Variants in ETNPPL observed in about 807,000 individuals in gnomAD.
ETNPPL encodes ethanolamine-phosphate phospho-lyase.
ETNPPL carries 30 observed loss-of-function variants against 55.5 expected under a neutral mutation model. The ratio of observed to expected loss-of-function variants is 0.54; its 90% confidence interval spans 0.40 to 0.73. The LOEUF is 0.73. ETNPPL is among the 30% of genes least tolerant of loss of function. The pLI, the probability that ETNPPL is intolerant of heterozygous loss-of-function variation, is 0.00. For missense variants in ETNPPL, 528 were observed against 607.9 expected (o/e 0.87, Z 1.38); for synonymous variants, 202 against 207.2 (o/e 0.98, Z 0.21).
At chr4:108,756,616 T>C (rs1729214382) in intron 3 of ETNPPL, 124 bp from the exon 4 acceptor site, 1 of 692,702 alleles carries the variant, frequency 1.4e-6, no homozygotes, top group African/African-American at 1.8e-5. Context: ...GAGGGCCGAT[T>C]GCCTGAGCTC....
intron 3 of ETNPPL, 79 bp from the exon 4 acceptor site, chr4:108,756,571 T>A: frequency 9.3e-7 from 1 of 1,079,824 alleles, no homozygotes; most frequent in East Asian, 2.4e-5. Context: ...GCACGGTAGC[T>A]CACGCCTGTA....
In ETNPPL at chr4:108,762,631, G is replaced by A. The variant is rs1383496727; in HGVS notation, c.56+212C>T. On this transcript the variant is annotated intron_variant, in intron 1 of 12. Transcript: ENST00000296486. ...AGAGCGAGCCGGGGACTTTCGAGCG[G>A]GCAGGAAGCCCAGCGTTCCGGGTTC... 4 of 667,634 alleles carry A rather than the reference G, an allele frequency of 6.0e-6. No homozygotes were observed. The Middle Eastern group carries it at 8.2e-4, about 136-fold the overall frequency. 41.4% of individuals were successfully genotyped at this position (667,634 alleles called of 1,614,324 possible). A position where few individuals can be genotyped will look rare whatever the true frequency, so the allele number is the denominator to read the frequency against.
chr4:108,747,935 G>A (rs959014439), intron 9 of ETNPPL, 70 bp downstream of exon 9: 155 of 1,337,312 alleles, frequency 1.2e-4, no homozygotes, highest in Non-Finnish European at 1.6e-4. Context: ...TCACCATGTT[G>A]CCCAGCCTAT....
intron 9 of ETNPPL, 119 bp downstream of exon 9, chr4:108,747,886 A>G: frequency 1.3e-6 from 1 of 782,682 alleles, no homozygotes; most frequent in South Asian, 1.7e-5. Context: ...GTGCCACCAC[A>G]CCTGGCTAAT....
chr4:108,753,685 T>C (rs985450898), intron 5 of ETNPPL, among the ~76,000 whole-genome samples: 2 of 150,940 alleles, frequency 1.3e-5, no homozygotes, highest in African/African-American at 4.9e-5. Context: ...GAGGTTTCAG[T>C]GAGCCAAGAT....
chr4:108,762,833 G>T lies in ETNPPL; in HGVS notation c.56+10C>A, dbSNP rs771326864. On this transcript the variant is annotated intron_variant, in intron 1 of 12. Coordinates refer to ENST00000296486, the MANE Select transcript of ETNPPL (RefSeq NM_031279.4). ...TCTCTGCACTTACTTCCGGGCCAGG[G>T]TGCCCTTACCCGATGTGCTTCTTCC... 10 of 1,614,046 alleles carry T rather than the reference G, an allele frequency of 6.2e-6. No homozygotes were observed. In the South Asian group the frequency reaches 9.9e-5, roughly 16 times the overall value.
chr4:108,749,427 A>T lies in ETNPPL; in HGVS notation c.738T>A (p.Asp246Glu). 2 of 1,614,106 alleles carry T rather than the reference A, an allele frequency of 1.2e-6. No individual in the cohort carries two copies. The highest frequency in any genetic ancestry group is 1.7e-6 in the Non-Finnish European group (2 of 1,180,008). ...CTCTGCCAAAGCCCACTTGAACTTC[A>T]TCAGCTATAAACACACCCCCTGCAC... ...VHGAGGVFIA[D>E]EVQVGFGRVG... Residue 246 changes from aspartate (D) to glutamate (E), a missense_variant, in exon 8 of 13, where the codon GAT (aspartate) becomes GAA (glutamate). By Grantham distance (45) the Asp-to-Glu change is conservative. Coordinates refer to ENST00000296486, the MANE Select transcript of ETNPPL (RefSeq NM_031279.4).
At chr4:108,750,495 CGTGTGT>C (rs3062135) in intron 7 of ETNPPL, among the ~76,000 whole-genome samples, 43 of 141,612 alleles carry the variant, frequency 3.0e-4, no homozygotes, top group Middle Eastern at 3.6e-3. Context: ...TTAATACCGC[CGTGTGT>C]GTGTGTGTGT....
Position 108,746,833 on chromosome 4 carries a change from A to C in ETNPPL, c.1101T>G (p.Ile367Met). The change falls in exon 10 of 13, where the codon ATT becomes ATG. Residue 367 changes from isoleucine to methionine, a missense_variant. Transcript: ENST00000296486. ...IGDIRGIGLF[I>M]GIDLVKDHLK... ...GATGGTCCTTCACTAAATCAATTCCAATAAAAAGGCCAATGCCCCTGCGAG... is the reference window on the plus strand; with the variant it reads ...GATGGTCCTTCACTAAATCAATTCCCATAAAAAGGCCAATGCCCCTGCGAG... The C allele has an allele frequency of 6.2e-7, 1 of 1,613,662 alleles. No individual in the cohort carries two copies. The highest frequency in any genetic ancestry group is 8.5e-7 in the Non-Finnish European group (1 of 1,179,800).
chr4:108,750,614 G>GAT lies in ETNPPL; in HGVS notation c.701+320_701+321dup, dbSNP rs1553933954. ...GATATATCATATATGATATATATAG[G>GAT]ATATATATATATCCTATTAGTTTGG... On this transcript the variant is annotated intron_variant, in intron 7 of 12. Coordinates refer to ENST00000296486, the MANE Select transcript of ETNPPL (RefSeq NM_031279.4). Among the ~76,000 whole-genome samples, 221 of 121,646 alleles carry GAT rather than the reference G, an allele frequency of 1.8e-3. 12 individuals are homozygous for GAT. Among genetic ancestry groups the GAT allele is most frequent in the African/African-American group, 6.6e-3 (204 of 30,708 alleles). 79.8% of individuals were successfully genotyped at this position (121,646 alleles called of 152,430 possible).
Position 108,762,981 on chromosome 4 carries a change from C to T in ETNPPL, c.-83G>A. On this transcript the variant is annotated 5_prime_UTR_variant, in exon 1 of 13. Transcript: ENST00000296486. ...CGCGAGCCTGGGACTGCCTTGGCGG[C>T]CCCGGCCGGCCTTCCTCCCGTTATC... 2 of 1,367,910 alleles carry T rather than the reference C, an allele frequency of 1.5e-6. No homozygotes were observed. Among genetic ancestry groups the T allele is most frequent in the South Asian group, 1.2e-5 (1 of 83,976 alleles). The allele number at this position is 1,367,910 out of a possible 1,614,324, so 84.7% of individuals were successfully genotyped here. A position where few individuals can be genotyped will look rare whatever the true frequency, so the allele number is the denominator to read the frequency against.
intron 11 of ETNPPL, among the ~76,000 whole-genome samples, 164 bp downstream of exon 11, chr4:108,746,235 C>T (rs917719286): frequency 1.3e-5 from 2 of 152,140 alleles, no homozygotes; most frequent in Admixed American, 1.3e-4. Context: ...TACTTTTCAG[C>T]TATCTTTTTC....
intron 11 of ETNPPL, among the ~76,000 whole-genome samples, chr4:108,744,424 A>C (rs989453913): frequency 7.2e-5 from 11 of 152,118 alleles, no homozygotes; most frequent in African/African-American, 2.7e-4. Context: ...TCAAGCTCTG[A>C]GTTGATGCAG....
rs141092024 is a variant in ETNPPL, at chr4:108,742,715, C to A, written c.1372-103G>T. 553 of 1,321,918 alleles carry A rather than the reference C, an allele frequency of 4.2e-4. 1 individual carries two copies. The African/African-American group carries it at 7.0e-3, about 17-fold the overall frequency. The allele number at this position is 1,321,918 out of a possible 1,614,324, so 81.9% of individuals were successfully genotyped here. On this transcript the variant is annotated intron_variant, in intron 12 of 12. Coordinates refer to ENST00000296486, the MANE Select transcript of ETNPPL (RefSeq NM_031279.4). The stretch of plus-strand genomic sequence containing the variant: ...CACACAAACAAAGGACACAGAAAAA[C>A]CAAACAAAACAACACTGCTTGCTCC...
rs1314360125 is a variant in ETNPPL, at chr4:108,746,525, T to A, written c.1177A>T (p.Lys393Ter). ...AEAQHIIYKMKEKRVLLSADG... is the reference protein window; with the variant it reads ...AEAQHIIYKM ...GCACTGAGAAGCACTCGTTTTTCTT[T>A]CATCCTAATTTGTGTAGGAAATACA... Residue 393 changes from lysine to a stop codon, truncating the protein, a stop_gained, in exon 11 of 13, where the codon AAA (lysine) becomes TAA (stop). Coordinates refer to ENST00000296486, the MANE Select transcript of ETNPPL (RefSeq NM_031279.4). LOFTEE classifies it high-confidence loss of function. The A allele has an allele frequency of 6.2e-7, 1 of 1,612,168 alleles. No homozygotes were observed. Among genetic ancestry groups the A allele is most frequent in the Non-Finnish European group, 8.5e-7 (1 of 1,179,824 alleles).
intron 12 of ETNPPL, among the ~76,000 whole-genome samples, chr4:108,743,322 A>T (rs1728306285): frequency 6.6e-6 from 1 of 152,212 alleles, no homozygotes; most frequent in Admixed American, 6.5e-5. Flanking sequence ...AGGCAATGCC[A>T]GACAGTTCCC....
intron 1 of ETNPPL, chr4:108,762,630 G>A (rs1040222219): frequency 1.5e-4 from 100 of 659,690 alleles, no homozygotes; most frequent in Admixed American, 1.1e-3. Flanking sequence ...ACTTTCGAGC[G>A]GGCAGGAAGC....
At chr4:108,749,011 A>G (rs899136397) in intron 8 of ETNPPL, among the ~76,000 whole-genome samples, 1 of 152,168 alleles carries the variant, frequency 6.6e-6, no homozygotes, top group Non-Finnish European at 1.5e-5. Context: ...ATGTATACCT[A>G]TGTAACAAAC....
chr4:108,748,257 A>T (rs77835534), intron 8 of ETNPPL, 98 bp from the exon 9 acceptor site: 64,036 of 708,988 alleles, frequency 0.09, 6,559 homozygotes, highest in East Asian at 0.51. Context: ...ATAAGTGAAG[A>T]TATAATTTAA....
Sources: allele counts gnomAD v4.1 joint callset (sites outside exome capture counted in the v4.1 genomes callset), GRCh38; gene constraint gnomAD v4.1.1; transcripts MANE v1.5; gene names NCBI Gene and HGNC (gene_info 2026-07-23, HGNC 2026-07-21).